NAV2: variants seen among roughly 807,000 people sequenced by gnomAD.
NAV2 encodes neuron navigator 2.
Under a neutral mutation model 223.2 loss-of-function variants are expected in NAV2, and 54 were observed. The ratio of observed to expected loss-of-function variants is 0.24; its 90% CI spans 0.19 to 0.30. The LOEUF is 0.30. Among genes scored for constraint, NAV2 ranks in the 10% least tolerant of loss-of-function variants. The pLI is 1.00. For missense variants in NAV2, 2,806 were observed against 3,147.5 expected (o/e 0.89, Z 2.60); for synonymous variants, 1,279 against 1,239.3 (o/e 1.03, Z -0.67).
At chr11:20,014,888 C>T (rs919776629) in intron 11 of NAV2, among the ~76,000 whole-genome samples, 1 of 151,716 alleles carries the variant, frequency 6.6e-6, no homozygotes, top group Non-Finnish European at 1.5e-5. Flanking sequence ...GGTGACACAG[C>T]AAGACTTCAT....
upstream of NAV2, among the ~76,000 whole-genome samples, chr11:19,346,615 C>A (rs572794386): frequency 3.3e-5 from 5 of 152,358 alleles, no homozygotes; most frequent in South Asian, 1.0e-3. Context: ...GTGATCCTTT[C>A]TTTTCTTCAG....
chr11:20,099,363 G>T (rs10732471), intron 31 of NAV2, among the ~76,000 whole-genome samples: 45,055 of 152,042 alleles, frequency 0.3, 8,004 homozygotes, highest in East Asian at 0.88. Context: ...AGCATGCGTT[G>T]TTCACTTGCT....
chr11:20,115,391 T>C lies in NAV2; in HGVS notation c.7164+596T>C, dbSNP rs1263614502. ...GGCTCACACCTGTAATCCCAGCACT[T>C]TGAGAGGCCAAGGCGGGTGGATCGA... is the stretch of plus-strand genomic sequence containing the variant. On this transcript the variant is annotated intron_variant, in intron 37 of 37. Coordinates refer to ENST00000349880, the MANE Select transcript of NAV2 (RefSeq NM_145117.5). Among the ~76,000 whole-genome samples, 3 of 152,072 alleles carry C rather than the reference T, an allele frequency of 2.0e-5. No individual in the cohort carries two copies. The East Asian group carries it at 5.8e-4, about 29-fold the overall frequency.
At chr11:19,992,035 G>T (rs1663811467) in intron 11 of NAV2, among the ~76,000 whole-genome samples, 1 of 152,238 alleles carries the variant, frequency 6.6e-6, no homozygotes, top group African/African-American at 2.4e-5. Flanking sequence ...GGGATGAGAA[G>T]ATGCTTCCAG....
At position 19,446,841 on chromosome 11, in the gene NAV2, A is replaced by G. The variant is rs1851602703; in HGVS notation, c.75+95814A>G. 1.3e-5 allele frequency among the ~76,000 whole-genome samples: 2 copies of G among 152,210 alleles called. 1 individual carries two copies. Among genetic ancestry groups the G allele is most frequent in the South Asian group, 4.1e-4 (2 of 4,824 alleles). ...CAGACTGGAGGTCTCATGACCCCCA[A>G]ACAACAGTGTGGAACAGATGTTGAT... On this transcript the variant is annotated intron_variant, in intron 1 of 37. Coordinates refer to the NAV2 transcript ENST00000360655.
At chr11:20,057,400 C>G (rs1283963328) in intron 19 of NAV2, among the ~76,000 whole-genome samples, 1 of 152,098 alleles carries the variant, frequency 6.6e-6, no homozygotes, top group African/African-American at 2.4e-5. Context: ...AGTGAACAGG[C>G]ACAAGTCTGT....
At chr11:19,793,672 C>G (rs1377982575) in intron 1 of NAV2, among the ~76,000 whole-genome samples, 11 of 151,666 alleles carry the variant, frequency 7.3e-5, no homozygotes, top group Non-Finnish European at 1.5e-4. Flanking sequence ...AAACTTAAAT[C>G]AGATTGTGTC....
In NAV2 at chr11:20,118,417, A is replaced by C. The variant is rs1294855035; in HGVS notation, c.*159A>C. On this transcript the variant is annotated 3_prime_UTR_variant, in exon 38 of 38. Coordinates refer to ENST00000349880, the MANE Select transcript of NAV2 (RefSeq NM_145117.5). Reference sequence around the variant, plus strand: ...CGTCCTTCAGCCTCGACCTGGGTGCAGGCATCCCGGGCCAGCTGCCTGCGG... The same window carrying C: ...CGTCCTTCAGCCTCGACCTGGGTGCCGGCATCCCGGGCCAGCTGCCTGCGG... 3.0e-5 allele frequency: 24 copies of C among 795,438 alleles called. No homozygotes were observed. The South Asian group carries it at 4.0e-4, about 13-fold the overall frequency. 49.3% of individuals were successfully genotyped at this position (795,438 alleles called of 1,614,324 possible). A position where few individuals can be genotyped will look rare whatever the true frequency, so the allele number is the denominator to read the frequency against.
chr11:19,554,043 G>A (rs189294109), intron 1 of NAV2, among the ~76,000 whole-genome samples: 1 of 152,348 alleles, frequency 6.6e-6, no homozygotes, highest in South Asian at 2.1e-4. Flanking sequence ...CTGAAAAGTT[G>A]TGGGAGCTCT....
chr11:19,630,581 T>C lies in NAV2; in HGVS notation c.76-201903T>C, dbSNP rs141511041. ...TTTTGTCTACCATGCTTCCACACAA[T>C]ACTACACTTAATCAAAGGGTTTTGG... On this transcript the variant is annotated intron_variant, in intron 1 of 37. Transcript: ENST00000360655. Among the ~76,000 whole-genome samples, 377 of 152,210 alleles carry C rather than the reference T, an allele frequency of 2.5e-3. 2 individuals are homozygous for C. Among genetic ancestry groups the C allele is most frequent in the Non-Finnish European group, 4.4e-3 (298 of 68,004 alleles).
At chr11:19,417,626 C>G (rs1850430980) in intron 1 of NAV2, among the ~76,000 whole-genome samples, 1 of 152,214 alleles carries the variant, frequency 6.6e-6, no homozygotes, top group African/African-American at 2.4e-5. Context: ...AATCATTCTA[C>G]TATAAAGACA....
At chr11:19,548,248 A>C (rs2044568566) in intron 1 of NAV2, among the ~76,000 whole-genome samples, 1 of 152,260 alleles carries the variant, frequency 6.6e-6, no homozygotes, top group African/African-American at 2.4e-5. Flanking sequence ...AAAACCCTGA[A>C]ACAGCAAAGA....
intron 10 of NAV2, among the ~76,000 whole-genome samples, chr11:19,973,083 T>A (rs1211794977): frequency 6.6e-6 from 1 of 152,216 alleles, no homozygotes; most frequent in African/African-American, 2.4e-5. Context: ...TCATTCTGTC[T>A]ATTCTCAGTA....
intron 26 of NAV2, among the ~76,000 whole-genome samples, chr11:20,084,418 A>C (rs58320425): frequency 6.6e-6 from 1 of 152,082 alleles, no homozygotes; most frequent in African/African-American, 2.4e-5. Flanking sequence ...CTTTTAAGCA[A>C]CCTCACCCAC....
chr11:19,432,349 C>T (rs915184672), intron 1 of NAV2, among the ~76,000 whole-genome samples: 1 of 152,184 alleles, frequency 6.6e-6, no homozygotes, highest in African/African-American at 2.4e-5. Context: ...TAGGGGAGAG[C>T]ATTTGAACTA....
intron 1 of NAV2, among the ~76,000 whole-genome samples, chr11:19,664,333 G>T (rs948162583): frequency 6.6e-6 from 1 of 152,182 alleles, no homozygotes; most frequent in African/African-American, 2.4e-5. Context: ...CATGGATTGG[G>T]TCTTTTGCAG....
Position 19,879,802 on chromosome 11 carries a change from C to A in NAV2, c.512-67C>A, listed in dbSNP as rs558622192. On this transcript the variant is annotated intron_variant, in intron 4 of 37. Coordinates refer to ENST00000349880, the MANE Select transcript of NAV2 (RefSeq NM_145117.5). ...TAAAGAAATCAAACTCACGTGCCGACTGAAACAGCCCATTGAACAGGAAGA... is the reference window on the plus strand; with the variant it reads ...TAAAGAAATCAAACTCACGTGCCGAATGAAACAGCCCATTGAACAGGAAGA... The A allele has an allele frequency of 4.1e-5, 66 of 1,590,412 alleles. No individual in the cohort carries two copies. The South Asian group carries it at 6.6e-4, about 16-fold the overall frequency.
At chr11:19,481,707 C>T (rs10833120) in intron 1 of NAV2, among the ~76,000 whole-genome samples, 40,587 of 152,138 alleles carry the variant, frequency 0.27, 5,656 homozygotes, top group East Asian at 0.31. Context: ...GGCTGCTCTT[C>T]AGATTGTTAA....
chr11:20,000,882 C>T (rs556508196), intron 11 of NAV2, among the ~76,000 whole-genome samples: 4 of 152,328 alleles, frequency 2.6e-5, no homozygotes, highest in Admixed American at 6.5e-5. Context: ...TCTCTGCTCT[C>T]ACTGCTACTG....
Sources: allele counts gnomAD v4.1 joint callset (sites outside exome capture counted in the v4.1 genomes callset), GRCh38; gene constraint gnomAD v4.1.1; transcripts MANE v1.5; gene names NCBI Gene and HGNC (gene_info 2026-07-23, HGNC 2026-07-21).